FOCAD: variants seen among roughly 807,000 people sequenced by gnomAD.
FOCAD encodes the protein KIAA1797.
A neutral mutation model predicts 225.6 loss-of-function variants in FOCAD; 198 were observed. The ratio of observed to expected loss-of-function variants is 0.88; its 90% CI spans 0.78 to 0.99. FOCAD has a LOEUF of 0.99. Ranked by LOEUF, FOCAD falls within the 50% of genes least tolerant of loss-of-function variation. The pLI is 0.00. For synonymous variants in FOCAD, 897 were observed against 755.0 expected (o/e 1.19, Z -3.08); for missense variants, 2,713 against 2,123.6 (o/e 1.28, Z -5.46).
At chr9:20,871,757 G>A (rs1829790228) in intron 18 of FOCAD, among the ~76,000 whole-genome samples, 1 of 114,588 alleles carries the variant, frequency 8.7e-6, no homozygotes, top group Non-Finnish European at 1.7e-5. Flanking sequence ...GGGGACTGTT[G>A]TGGGGTGGGG....
At chr9:20,831,590 A>G (rs1825497893) in intron 15 of FOCAD, among the ~76,000 whole-genome samples, 1 of 152,074 alleles carries the variant, frequency 6.6e-6, no homozygotes, top group Admixed American at 6.6e-5. Context: ...TCAACAGAAT[A>G]TTTCAAACCT....
intron 18 of FOCAD, among the ~76,000 whole-genome samples, chr9:20,870,261 A>G (rs1829645391): frequency 6.6e-6 from 1 of 152,208 alleles, no homozygotes; most frequent in South Asian, 2.1e-4. Flanking sequence ...CTTTGATTTA[A>G]AGTGAATGTC....
chr9:20,971,453 G>A (rs916372865), intron 35 of FOCAD, among the ~76,000 whole-genome samples: 11 of 150,912 alleles, frequency 7.3e-5, no homozygotes, highest in Non-Finnish European at 1.5e-4. Context: ...TTTTTTGGTG[G>A]GGGAGGACAG....
At chr9:20,892,844 A>G (rs954483411) in intron 21 of FOCAD, among the ~76,000 whole-genome samples, 1 of 152,180 alleles carries the variant, frequency 6.6e-6, no homozygotes, top group Non-Finnish European at 1.5e-5. Flanking sequence ...ACATTAAGCA[A>G]TGGAGCAAAC....
chr9:20,880,718 T>A (rs1587489927), intron 19 of FOCAD, among the ~76,000 whole-genome samples: 3 of 152,328 alleles, frequency 2.0e-5, no homozygotes, highest in African/African-American at 7.2e-5. Flanking sequence ...TTTAATTTAA[T>A]CATATTCATT....
intron 11 of FOCAD, among the ~76,000 whole-genome samples, chr9:20,809,803 G>C (rs1371715059): frequency 6.6e-6 from 1 of 152,110 alleles, no homozygotes; most frequent in Non-Finnish European, 1.5e-5. Flanking sequence ...CAATCTCAGT[G>C]TAGATTTGGC....
At chr9:20,901,351 G>C (rs2131980760) in intron 21 of FOCAD, among the ~76,000 whole-genome samples, 1 of 151,764 alleles carries the variant, frequency 6.6e-6, no homozygotes, top group Admixed American at 6.6e-5. Flanking sequence ...AAATGCCTTT[G>C]TAAGATTGGG....
rs778273578 is a variant in FOCAD at position 20,881,940 on chromosome 9, C to G, written c.2387C>G (p.Ser796Cys). ...AATATGCCTCGTGGGATATATCACTCTGCATTAAAAGGAGGTGCCCGCTCA... is the reference window on the plus strand; with the variant it reads ...AATATGCCTCGTGGGATATATCACTGTGCATTAAAAGGAGGTGCCCGCTCA... Reference protein sequence around the residue: ...MVNMPRGIYHSALKGGARSDQ... With the variant: ...MVNMPRGIYHCALKGGARSDQ... The change falls in exon 20 of 44, where the codon TCT becomes TGT. Residue 796 changes from serine to cysteine, a missense_variant. Ser to Cys is a moderately radical substitution (Grantham distance 112). Transcript: ENST00000338382. 2.5e-6 allele frequency: 4 copies of G among 1,613,842 alleles called. No individual in the cohort carries two copies. In the South Asian group the frequency reaches 4.4e-5, roughly 18 times the overall value.
chr9:20,954,913 C>T (rs1476212179), intron 35 of FOCAD, among the ~76,000 whole-genome samples: 1 of 152,188 alleles, frequency 6.6e-6, no homozygotes, highest in Non-Finnish European at 1.5e-5. Context: ...CAAAACCAGA[C>T]CCTGCTCTGT....
chr9:20,972,340 G>A (rs1214086281), intron 35 of FOCAD, among the ~76,000 whole-genome samples: 1 of 151,970 alleles, frequency 6.6e-6, no homozygotes, highest in Non-Finnish European at 1.5e-5. Context: ...GTTCTAATAG[G>A]TATAGGCTGA....
rs747948304 is a variant in FOCAD, at chr9:20,770,062, A to G, written c.730A>G (p.Met244Val). 3 of 1,614,046 alleles carry G rather than the reference A, an allele frequency of 1.9e-6. No homozygotes were observed. The highest frequency in any genetic ancestry group is 1.7e-5 in the Admixed American group (1 of 59,988). Residue 244 changes from methionine (M) to valine (V), a missense_variant, in exon 8 of 44, where the codon ATG becomes GTG. Transcript: ENST00000338382. Reference sequence around the variant, plus strand: ...AGATTTGATACAGACAACAGAGGCGATGATGTTTATTGAGGAAGTATGTTT... The same window carrying G: ...AGATTTGATACAGACAACAGAGGCGGTGATGTTTATTGAGGAAGTATGTTT... The part of the protein sequence containing the change: ...VKDLIQTTEA[M>V]MFIEEVCLSL...
At chr9:20,880,810 A>T (rs1195904532) in intron 19 of FOCAD, among the ~76,000 whole-genome samples, 1 of 152,192 alleles carries the variant, frequency 6.6e-6, no homozygotes, top group Non-Finnish European at 1.5e-5. Flanking sequence ...TAAGAGCCAC[A>T]TGCAGTGGTT....
Position 20,889,838 on chromosome 9 carries a change from A to G in FOCAD, c.2625+4608A>G, listed in dbSNP as rs146455815. Among the ~76,000 whole-genome samples, 649 of 152,342 alleles carry G rather than the reference A, an allele frequency of 4.3e-3. 5 individuals are homozygous for G. Among genetic ancestry groups the G allele is most frequent in the African/African-American group, 0.015 (624 of 41,588 alleles). On this transcript the variant is annotated intron_variant, in intron 21 of 43. Transcript: ENST00000338382. ...TAGGTCAACTTGAGAGAGGACTGAC[A>G]TCTTGGTAATAGAGTATCTAGACCC...
intron 2 of FOCAD, among the ~76,000 whole-genome samples, chr9:20,717,208 G>C (rs180689784): frequency 4.7e-4 from 72 of 152,326 alleles, no homozygotes; most frequent in Non-Finnish European, 8.5e-4. Context: ...AGGAGTGGGT[G>C]CTGTGTTTTT....
At chr9:20,757,386 T>G (rs747611648) in intron 5 of FOCAD, among the ~76,000 whole-genome samples, 3 of 150,388 alleles carry the variant, frequency 2.0e-5, no homozygotes, top group Admixed American at 6.6e-5. Context: ...GTACTTTTTG[T>G]TTTTTTTTGG....
At chr9:20,894,312 CA>C (rs776079803) in intron 21 of FOCAD, among the ~76,000 whole-genome samples, 1 of 152,086 alleles carries the variant, frequency 6.6e-6, no homozygotes, top group Non-Finnish European at 1.5e-5. Flanking sequence ...CAAGTTTTAG[CA>C]AATATGTATA....
chr9:20,978,447 G>A lies in FOCAD; in HGVS notation c.4370G>A (p.Ser1457Asn). 1 of 1,604,878 alleles carries A rather than the reference G, an allele frequency of 6.2e-7. No homozygotes were observed. ...TGGGTGACACCACCACTGATCCACA[G>A]TCTGAGTGTATGTAGTAACTAAGGG... The part of the protein sequence containing the change: ...GLWVTPPLIH[S>N]LSLNTKRYLL... Residue 1457 changes from serine to asparagine, a missense_variant, in exon 37 of 44, where the codon AGT (serine) becomes AAT (asparagine). Coordinates refer to ENST00000338382, the MANE Select transcript of FOCAD (RefSeq NM_001375567.1).
rs1273334656 is a variant in FOCAD, at chr9:20,764,857, C to T, written c.495-12C>T. ...AACTCAATAACTGGCTAATGTATTT[C>T]ATGTCTTATAGGTTAGAAGTTTCAT... On this transcript the variant is annotated splice_polypyrimidine_tract_variant and intron_variant, in intron 6 of 43. Coordinates refer to ENST00000338382, the MANE Select transcript of FOCAD (RefSeq NM_001375567.1). 2 of 1,606,978 alleles carry T rather than the reference C, an allele frequency of 1.2e-6. No individual in the cohort carries two copies. The highest frequency in any genetic ancestry group is 4.5e-5 in the East Asian group (2 of 44,832).
chr9:20,986,769 C>T (rs1278640448), intron 40 of FOCAD, among the ~76,000 whole-genome samples: 1 of 152,116 alleles, frequency 6.6e-6, no homozygotes, highest in Non-Finnish European at 1.5e-5. Flanking sequence ...CCAAAACACA[C>T]AAGATATCAA....
Sources: allele counts gnomAD v4.1 joint callset (sites outside exome capture counted in the v4.1 genomes callset), GRCh38; gene constraint gnomAD v4.1.1; transcripts MANE v1.5; gene names NCBI Gene and HGNC (gene_info 2026-07-23, HGNC 2026-07-21).